Variants in IMMP2L observed in about 807,000 individuals in gnomAD.
IMMP2L encodes inner mitochondrial membrane peptidase subunit 2.
A neutral mutation model predicts 19.3 loss-of-function variants in IMMP2L; 18 were observed. The ratio of observed to expected loss-of-function variants is 0.93; its 90% confidence interval spans 0.64 to 1.38. IMMP2L has a LOEUF of 1.38. Ranked by LOEUF, IMMP2L falls within the 40% of genes most tolerant of loss-of-function variation. IMMP2L has a pLI of 0.00. For missense variants in IMMP2L, 233 were observed against 218.2 expected, an observed-to-expected ratio of 1.07 and a Z score of -0.43; for synonymous variants, 76 against 73.0, an observed-to-expected ratio of 1.04 and a Z score of -0.21.
intron 5 of IMMP2L, among the ~76,000 whole-genome samples, chr7:110,735,747 G>A (rs1796587321): frequency 7.2e-6 from 1 of 138,982 alleles, no homozygotes; most frequent in African/African-American, 2.7e-5. Flanking sequence ...ATGGTAACGT[G>A]TGCCTGTAGT....
intron 3 of IMMP2L, among the ~76,000 whole-genome samples, chr7:111,317,682 G>C (rs973458272): frequency 6.6e-6 from 1 of 152,092 alleles, no homozygotes; most frequent in African/African-American, 2.4e-5. Flanking sequence ...TTATAAGGCT[G>C]CTACAAACAA....
chr7:110,787,025 C>A (rs757121277), intron 5 of IMMP2L, among the ~76,000 whole-genome samples: 2 of 151,768 alleles, frequency 1.3e-5, no homozygotes, highest in Non-Finnish European at 2.9e-5. Context: ...CTTTCTTACT[C>A]TAAAGCAGGA....
At chr7:110,699,386 T>G (rs1449531333) in intron 5 of IMMP2L, among the ~76,000 whole-genome samples, 1 of 152,216 alleles carries the variant, frequency 6.6e-6, no homozygotes, top group Admixed American at 6.5e-5. Flanking sequence ...AATTCTGAGA[T>G]GGTCCCTGTG....
At chr7:111,500,935 C>T (rs1234975613) in intron 2 of IMMP2L, among the ~76,000 whole-genome samples, 8 of 151,892 alleles carry the variant, frequency 5.3e-5, no homozygotes, top group Admixed American at 3.3e-4. Context: ...TCCAAAGGAA[C>T]GCAGCTCCTC....
intron 4 of IMMP2L, among the ~76,000 whole-genome samples, chr7:110,904,036 T>A (rs1408784648): frequency 1.3e-5 from 2 of 152,166 alleles, no homozygotes; most frequent in African/African-American, 4.8e-5. Context: ...TGGAGAAACA[T>A]CTACTCAAGT....
At chr7:111,014,000 T>C (rs1188175919) in intron 3 of IMMP2L, among the ~76,000 whole-genome samples, 1 of 152,110 alleles carries the variant, frequency 6.6e-6, no homozygotes, top group African/African-American at 2.4e-5. Context: ...AAGTCATATA[T>C]TCACAGCAAA....
intron 2 of IMMP2L, among the ~76,000 whole-genome samples, chr7:111,499,965 G>A (rs183681403): frequency 2.4e-4 from 37 of 152,302 alleles, no homozygotes; most frequent in Non-Finnish European, 4.4e-4. Context: ...GTGCAGGACA[G>A]TGGGTGCAGA....
chr7:110,789,536 C>T (rs1415789059), intron 5 of IMMP2L, among the ~76,000 whole-genome samples: 2 of 151,630 alleles, frequency 1.3e-5, no homozygotes, highest in Non-Finnish European at 2.9e-5. Context: ...TTTCACCTTC[C>T]CTCCCTTATT....
At chr7:111,450,382 A>G (rs1839005802) in intron 3 of IMMP2L, among the ~76,000 whole-genome samples, 1 of 152,062 alleles carries the variant, frequency 6.6e-6, no homozygotes, top group South Asian at 2.1e-4. Flanking sequence ...AATGGAACAG[A>G]ACAGAGCCCT....
intron 1 of IMMP2L, among the ~76,000 whole-genome samples, chr7:111,552,810 T>G: frequency 6.6e-6 from 1 of 152,240 alleles, no homozygotes; most frequent in Non-Finnish European, 1.5e-5. Context: ...TCTGAAATGA[T>G]GGTGTATGAC....
chr7:111,064,093 A>C (rs1214490265), intron 3 of IMMP2L, among the ~76,000 whole-genome samples: 2 of 152,174 alleles, frequency 1.3e-5, no homozygotes, highest in African/African-American at 2.4e-5. Context: ...GAAATTTATA[A>C]AAGAAAGGGG....
At chr7:111,423,288 T>C (rs1452646549) in intron 3 of IMMP2L, among the ~76,000 whole-genome samples, 1 of 151,956 alleles carries the variant, frequency 6.6e-6, no homozygotes, top group Admixed American at 6.6e-5. Context: ...TCAGAAGGAA[T>C]GGTACCAGCT....
intron 5 of IMMP2L, among the ~76,000 whole-genome samples, chr7:110,778,633 T>C (rs1186457413): frequency 6.6e-6 from 1 of 151,970 alleles, no homozygotes; most frequent in Non-Finnish European, 1.5e-5. Flanking sequence ...CAATAATTAC[T>C]TGGACAAGAG....
At chr7:111,237,637 TTTAC>T (rs751089564) in intron 3 of IMMP2L, among the ~76,000 whole-genome samples, 85 of 152,004 alleles carry the variant, frequency 5.6e-4, no homozygotes, top group Admixed American at 4.5e-3. Flanking sequence ...GACTATAATA[TTTAC>T]CTATAATCAT....
intron 5 of IMMP2L, among the ~76,000 whole-genome samples, chr7:110,694,640 G>A (rs965200426): frequency 3.3e-5 from 5 of 152,056 alleles, no homozygotes; most frequent in Non-Finnish European, 7.4e-5. Context: ...AGAGAAAGAG[G>A]AGGAGAGAGA....
intron 5 of IMMP2L, among the ~76,000 whole-genome samples, chr7:110,872,910 A>G (rs1808673073): frequency 6.6e-6 from 1 of 152,164 alleles, no homozygotes; most frequent in South Asian, 2.1e-4. Context: ...CTTGGAGTGG[A>G]AGCAACAGGT....
chr7:110,937,654 G>A (rs1366966433), intron 4 of IMMP2L, among the ~76,000 whole-genome samples: 1 of 152,182 alleles, frequency 6.6e-6, no homozygotes, highest in Non-Finnish European at 1.5e-5. Context: ...GGGAGTAGGA[G>A]AAAGGTCACT....
At chr7:110,836,093 T>C (rs368141661) in intron 5 of IMMP2L, among the ~76,000 whole-genome samples, 49 of 151,670 alleles carry the variant, frequency 3.2e-4, no homozygotes, top group African/African-American at 1.1e-3. Flanking sequence ...AAATTGGGAG[T>C]GGAGGGGAGC....
chr7:111,224,130 GATA>G (rs1249019758), intron 3 of IMMP2L, among the ~76,000 whole-genome samples: 1 of 152,050 alleles, frequency 6.6e-6, no homozygotes, highest in Non-Finnish European at 1.5e-5. Flanking sequence ...TACTCGTGGA[GATA>G]ATGACACTGC....
Sources: allele counts gnomAD v4.1 joint callset (sites outside exome capture counted in the v4.1 genomes callset), GRCh38; gene constraint gnomAD v4.1.1; transcripts MANE v1.5; gene names NCBI Gene and HGNC (gene_info 2026-07-23, HGNC 2026-07-21).